Variants in PEX3 observed in about 807,000 individuals in gnomAD.
PEX3 encodes peroxin-3.
In PEX3, 30 loss-of-function variants were observed where a neutral mutation model predicts 55.8. That is an observed-to-expected ratio of 0.54 (90% CI 0.40 to 0.73). PEX3 has a LOEUF of 0.73. Ranked by LOEUF, PEX3 falls within the 30% of genes least tolerant of loss-of-function variation. The pLI is 0.00. For synonymous variants in PEX3, 135 were observed against 148.4 expected (o/e 0.91, Z 0.66); for missense variants, 351 against 432.8 (o/e 0.81, Z 1.68).
rs151149705 is a variant in PEX3, at chr6:143,465,729, T to G, written c.288-2393T>G. Reference sequence around the variant, plus strand: ...GTGAGTCTTGAACACTAGATTAGATTAAGGTTGCAGCAGTGTCTTGCATGA... The same window carrying G: ...GTGAGTCTTGAACACTAGATTAGATGAAGGTTGCAGCAGTGTCTTGCATGA... On this transcript the variant is annotated intron_variant, in intron 3 of 11. Transcript: ENST00000367591. The surrounding 1 kb of genome is among the most constrained non-coding windows in gnomAD (Gnocchi z 4.7). Among the ~76,000 whole-genome samples, 313 of 152,102 alleles carry G rather than the reference T, an allele frequency of 2.1e-3. No homozygotes were observed. The highest frequency in any genetic ancestry group is 7.0e-3 in the African/African-American group (291 of 41,528).
chr6:143,489,818 C>T lies in PEX3; in HGVS notation c.*592C>T, dbSNP rs1217807036. On this transcript the variant is annotated 3_prime_UTR_variant, in exon 12 of 12. Coordinates refer to ENST00000367591, the MANE Select transcript of PEX3 (RefSeq NM_003630.3). The surrounding 1 kb of genome is among the most constrained non-coding windows in gnomAD (Gnocchi z 5.5). ...TGAACTATGTTCTTTGCTATTTCTT[C>T]ACTATATTTTTTAAGGTTTTATTAA... 6.6e-6 allele frequency: 1 copy of T among 151,964 alleles called. No individual in the cohort carries two copies. Among genetic ancestry groups the T allele is most frequent in the Non-Finnish European group, 1.5e-5 (1 of 67,966 alleles). 9.4% of individuals were successfully genotyped at this position (151,964 alleles called of 1,614,324 possible). A position where few individuals can be genotyped will look rare whatever the true frequency, so the allele number is the denominator to read the frequency against.
chr6:143,489,986 T>A lies in PEX3; in HGVS notation c.*760T>A, dbSNP rs1212877089. 6.6e-6 allele frequency: 1 copy of A among 152,198 alleles called. No homozygotes were observed. Among genetic ancestry groups the A allele is most frequent in the African/African-American group, 2.4e-5 (1 of 41,462 alleles). The allele number at this position is 152,198 out of a possible 1,614,324, so 9.4% of individuals were successfully genotyped here. A position where few individuals can be genotyped will look rare whatever the true frequency, so the allele number is the denominator to read the frequency against. ...ATTTTGAATACAGTGAAAATCTTATTGCAATAAACTATTTTAGTAAAATAT... is the reference window on the plus strand; with the variant it reads ...ATTTTGAATACAGTGAAAATCTTATAGCAATAAACTATTTTAGTAAAATAT... On this transcript the variant is annotated 3_prime_UTR_variant, in exon 12 of 12. Transcript: ENST00000367591. The surrounding 1 kb of genome is among the most constrained non-coding windows in gnomAD (Gnocchi z 5.5).
Position 143,490,300 on chromosome 6 carries a change from A to G in PEX3, c.*1074A>G, listed in dbSNP as rs553070296. 6.5e-6 allele frequency: 1 copy of G among 153,048 alleles called. No individual in the cohort carries two copies. Among genetic ancestry groups the G allele is most frequent in the South Asian group, 2.1e-4 (1 of 4,870 alleles). The allele number at this position is 153,048 out of a possible 1,614,324, so 9.5% of individuals were successfully genotyped here. A position where few individuals can be genotyped will look rare whatever the true frequency, so the allele number is the denominator to read the frequency against. On this transcript the variant is annotated 3_prime_UTR_variant, in exon 12 of 12. Transcript: ENST00000367591. This position sits in a 1 kb window ranked among gnomAD's most constrained non-coding sequence, Gnocchi z 6.0. ...ATATATCATTAGTATGTTGACATATATTTTCAGTAACATTGTTTTATGTTC... is the reference window on the plus strand; with the variant it reads ...ATATATCATTAGTATGTTGACATATGTTTTCAGTAACATTGTTTTATGTTC...
At position 143,459,026 on chromosome 6, in the gene PEX3, A is replaced by G; in HGVS notation, c.74-59A>G. 1 of 1,191,596 alleles carries G rather than the reference A, an allele frequency of 8.4e-7. No homozygotes were observed. Among genetic ancestry groups the G allele is most frequent in the Non-Finnish European group, 1.2e-6 (1 of 803,790 alleles). The allele number at this position is 1,191,596 out of a possible 1,614,324, so 73.8% of individuals were successfully genotyped here. ...CTTATAATTGCATAAAGTAGGTTAA[A>G]AATACTGTGTAGAATTTTTGGTACT... On this transcript the variant is annotated intron_variant, in intron 1 of 11. Coordinates refer to ENST00000367591, the MANE Select transcript of PEX3 (RefSeq NM_003630.3). This position sits in a 1 kb window ranked among gnomAD's most constrained non-coding sequence, Gnocchi z 4.2.
chr6:143,487,031 G>A lies in PEX3; in HGVS notation c.1038+1783G>A, dbSNP rs1780331645. On this transcript the variant is annotated intron_variant, in intron 11 of 11. Coordinates refer to ENST00000367591, the MANE Select transcript of PEX3 (RefSeq NM_003630.3). This position sits in a 1 kb window ranked among gnomAD's most constrained non-coding sequence, Gnocchi z 5.3. ...CCCCTTTGGTAGAAGATATTAGGAT[G>A]GTAGTTGGTAAAGGTAGGAAATGGG... 6.6e-6 allele frequency among the ~76,000 whole-genome samples: 1 copy of A among 152,134 alleles called. No individual in the cohort carries two copies. The highest frequency in any genetic ancestry group is 6.6e-5 in the Admixed American group (1 of 15,256).
chr6:143,478,297 A>G (rs567775955), intron 9 of PEX3, among the ~76,000 whole-genome samples: 1 of 152,260 alleles, frequency 6.6e-6, no homozygotes, highest in African/African-American at 2.4e-5. Context: ...GTGGGTGATG[A>G]AAATGTTCTA....
In PEX3 at chr6:143,453,622, G is replaced by A. The variant is rs1470378958; in HGVS notation, c.73+2507G>A. On this transcript the variant is annotated intron_variant, in intron 1 of 11. Coordinates refer to ENST00000367591, the MANE Select transcript of PEX3 (RefSeq NM_003630.3). The surrounding 1 kb of genome is among the most constrained non-coding windows in gnomAD (Gnocchi z 4.6). Reference sequence around the variant, plus strand: ...TTGCTAGCTTTACAATGTAAGGCAAGTAGAAAGGCTTCCTTATGAAGATTT... The same window carrying A: ...TTGCTAGCTTTACAATGTAAGGCAAATAGAAAGGCTTCCTTATGAAGATTT... 1.3e-5 allele frequency among the ~76,000 whole-genome samples: 2 copies of A among 152,148 alleles called. No homozygotes were observed. The highest frequency in any genetic ancestry group is 2.4e-5 in the African/African-American group (1 of 41,440).
In PEX3 at chr6:143,471,188, A is replaced by G; in HGVS notation, c.456+103A>G. 8.9e-7 allele frequency: 1 copy of G among 1,121,346 alleles called. No homozygotes were observed. The highest frequency in any genetic ancestry group is 2.5e-5 in the East Asian group (1 of 39,686). The allele number at this position is 1,121,346 out of a possible 1,614,324, so 69.5% of individuals were successfully genotyped here. ...ATTTCTATGAAATAAATATTTTTAT[A>G]TTTCATGTGATTGTGAACTTTTAGT... On this transcript the variant is annotated intron_variant, in intron 5 of 11. Coordinates refer to ENST00000367591, the MANE Select transcript of PEX3 (RefSeq NM_003630.3). This position sits in a 1 kb window ranked among gnomAD's most constrained non-coding sequence, Gnocchi z 5.4.
At chr6:143,481,221 C>T (rs968010649) in intron 10 of PEX3, among the ~76,000 whole-genome samples, 1 of 149,442 alleles carries the variant, frequency 6.7e-6, no homozygotes, top group African/African-American at 2.4e-5. Context: ...ATTACATATG[C>T]ATGTAATATA....
At chr6:143,474,694 T>C (rs1780127347) in intron 8 of PEX3, 92 bp from the exon 9 acceptor site, 1 of 795,180 alleles carries the variant, frequency 1.3e-6, no homozygotes, top group South Asian at 1.4e-5. Flanking sequence ...AGACTTAGAT[T>C]TCCTAAACTC....
In PEX3 at chr6:143,450,888, A is replaced by G. The variant is rs1231538466; in HGVS notation, c.-155A>G. ...TCCACGCCCCCTTGCCGCTCCGGTG[A>G]CAGTCTCTGCGGAAAGTCACGTTTG... is the stretch of plus-strand genomic sequence containing the variant. On this transcript the variant is annotated 5_prime_UTR_variant, in exon 1 of 12. Coordinates refer to ENST00000367591, the MANE Select transcript of PEX3 (RefSeq NM_003630.3). 23 of 807,374 alleles carry G rather than the reference A, an allele frequency of 2.8e-5. No homozygotes were observed. Among genetic ancestry groups the G allele is most frequent in the Middle Eastern group, 2.9e-4 (1 of 3,426 alleles). The allele number at this position is 807,374 out of a possible 1,614,324, so 50.0% of individuals were successfully genotyped here.
chr6:143,450,839 G>A lies in PEX3; in HGVS notation c.-204G>A. ...CGGCGGCTGCGCGGCGGCAGCGGCA[G>A]AAAGCGTAGCTGCTTTGCTGTAGTC... On this transcript the variant is annotated 5_prime_UTR_variant, in exon 1 of 12. Coordinates refer to ENST00000367591, the MANE Select transcript of PEX3 (RefSeq NM_003630.3). The A allele has an allele frequency of 1.3e-6, 1 of 757,898 alleles. No homozygotes were observed. The highest frequency in any genetic ancestry group is 2.2e-6 in the Non-Finnish European group (1 of 447,874). 46.9% of individuals were successfully genotyped at this position (757,898 alleles called of 1,614,324 possible).
At position 143,485,186 on chromosome 6, in the gene PEX3, A is replaced by G. The variant is rs1417199386; in HGVS notation, c.976A>G (p.Ile326Val). ...SSVSLPLAKI[I>V]PIVNGQIHSV... ...TGTCAGCCTGCCTTTAGCTAAGATA[A>G]TTCCAATAGTAAACGGACAGATCCA... Residue 326 changes from isoleucine to valine, a missense_variant, in exon 11 of 12, where the codon ATT becomes GTT. Transcript: ENST00000367591. This position sits in a 1 kb window ranked among gnomAD's most constrained non-coding sequence, Gnocchi z 5.6. 3 of 1,606,488 alleles carry G rather than the reference A, an allele frequency of 1.9e-6. No homozygotes were observed. Among genetic ancestry groups the G allele is most frequent in the Non-Finnish European group, 2.6e-6 (3 of 1,173,284 alleles).
chr6:143,455,351 C>A (rs1156394727), intron 1 of PEX3, among the ~76,000 whole-genome samples: 2 of 142,210 alleles, frequency 1.4e-5, no homozygotes, highest in African/African-American at 5.3e-5. Flanking sequence ...CGCCACCACG[C>A]CCGGCTAATT....
rs1248057217 is a variant in PEX3 at position 143,464,540 on chromosome 6, GA to G, written c.287+1547del. Among the ~76,000 whole-genome samples, 8 of 152,054 alleles carry G rather than the reference GA, an allele frequency of 5.3e-5. No homozygotes were observed. The East Asian group carries it at 1.2e-3, about 22-fold the overall frequency. On this transcript the variant is annotated intron_variant, in intron 3 of 11. Coordinates refer to ENST00000367591, the MANE Select transcript of PEX3 (RefSeq NM_003630.3). The surrounding 1 kb of genome is among the most constrained non-coding windows in gnomAD (Gnocchi z 5.8). ...ATAGATTATCCTGGACAGCTTTAAA[GA>G]AAAGATGTGATTCTTTTTTTCTTAA...
Position 143,476,541 on chromosome 6 carries a change from G to T in PEX3, c.818+1685G>T, listed in dbSNP as rs931803709. ...GTAGTCTAATCAAGAGACAGTTGCA[G>T]TTTGAACTGGGTGGTAGCAGTGGTG... On this transcript the variant is annotated intron_variant, in intron 9 of 11. Coordinates refer to ENST00000367591, the MANE Select transcript of PEX3 (RefSeq NM_003630.3). This position sits in a 1 kb window ranked among gnomAD's most constrained non-coding sequence, Gnocchi z 5.4. Among the ~76,000 whole-genome samples the T allele has an allele frequency of 2.0e-5, 3 of 152,200 alleles. No individual in the cohort carries two copies. The highest frequency in any genetic ancestry group is 4.4e-5 in the Non-Finnish European group (3 of 68,042).
chr6:143,472,614 A>G (rs912450542), intron 8 of PEX3, among the ~76,000 whole-genome samples: 2 of 152,192 alleles, frequency 1.3e-5, no homozygotes, highest in African/African-American at 4.8e-5. Flanking sequence ...CATGTTCATT[A>G]CACCTGGGGA....
At chr6:143,473,353 T>G (rs1203960099) in intron 8 of PEX3, among the ~76,000 whole-genome samples, 1 of 152,122 alleles carries the variant, frequency 6.6e-6, no homozygotes, top group Non-Finnish European at 1.5e-5. Context: ...AGGAGACAAC[T>G]TACAAAATAG....
Position 143,458,961 on chromosome 6 carries a change from G to A in PEX3, c.74-124G>A, listed in dbSNP as rs1779882841. The A allele has an allele frequency of 6.0e-6, 4 of 661,532 alleles. No homozygotes were observed. Among genetic ancestry groups the A allele is most frequent in the South Asian group, 5.4e-5 (3 of 55,078 alleles). The allele number at this position is 661,532 out of a possible 1,614,324, so 41.0% of individuals were successfully genotyped here. A position where few individuals can be genotyped will look rare whatever the true frequency, so the allele number is the denominator to read the frequency against. ...CCAATCTTACAAAATTCTTTATTTAGGTTTTAAAAATGTAATTTTAGCTAT... is the reference window on the plus strand; with the variant it reads ...CCAATCTTACAAAATTCTTTATTTAAGTTTTAAAAATGTAATTTTAGCTAT... On this transcript the variant is annotated intron_variant, in intron 1 of 11. Transcript: ENST00000367591. The surrounding 1 kb of genome is among the most constrained non-coding windows in gnomAD (Gnocchi z 6.1).
Sources: gnomAD v4.1 joint callset for allele counts (sites outside exome capture counted in the v4.1 genomes callset) on GRCh38, gnomAD v4.1.1 for gene constraint, Gnocchi (gnomAD v3.1) non-coding constraint, MANE v1.5 for transcripts, NCBI Gene and HGNC (gene_info 2026-07-23, HGNC 2026-07-21) for gene names.